Variants in NRXN3 observed in about 807,000 individuals in gnomAD.
NRXN3 encodes neurexin III.
A neutral mutation model predicts 137.6 loss-of-function variants in NRXN3; 32 were observed. The observed-to-expected ratio is 0.23, with a 90% CI of 0.18 to 0.31. The LOEUF (loss-of-function observed/expected upper bound fraction) is 0.31. Among genes scored for constraint, NRXN3 ranks in the 10% least tolerant of loss-of-function variants. The probability of loss-of-function intolerance (pLI) is 1.00; values close to 1 mark genes in which losing one functional copy is unlikely to be tolerated. For synonymous variants in NRXN3, 798 were observed against 784.5 expected (o/e 1.02, Z -0.29); for missense variants, 1,574 against 2,062.5 (o/e 0.76, Z 4.59).
intron 8 of NRXN3, chr14:78,744,583 T>C (rs1567199993): frequency 6.6e-6 from 1 of 152,240 alleles, no homozygotes; most frequent in Non-Finnish European, 1.5e-5. Flanking sequence ...TCCCATTTTA[T>C]AGATGTGGGT....
chr14:79,140,132 C>G (rs1568408053), intron 15 of NRXN3, among the ~76,000 whole-genome samples: 1 of 152,096 alleles, frequency 6.6e-6, no homozygotes, highest in Non-Finnish European at 1.5e-5. Context: ...ATTTCTATCT[C>G]TTCACACTGC....
At chr14:78,547,957 A>G (rs2152151777) in intron 4 of NRXN3, among the ~76,000 whole-genome samples, 1 of 152,316 alleles carries the variant, frequency 6.6e-6, no homozygotes, top group African/African-American at 2.4e-5. Context: ...TAAAATTGAA[A>G]TAAAAGATGA....
At chr14:79,504,730 AATG>A (rs1331969381) in intron 16 of NRXN3, among the ~76,000 whole-genome samples, 1 of 148,702 alleles carries the variant, frequency 6.7e-6, no homozygotes, top group East Asian at 1.9e-4. Context: ...TCAAATAGAA[AATG>A]ATGGTTTATT....
At chr14:78,780,213 C>T (rs548081998) in intron 8 of NRXN3, among the ~76,000 whole-genome samples, 2 of 152,028 alleles carry the variant, frequency 1.3e-5, no homozygotes, top group Non-Finnish European at 2.9e-5. Flanking sequence ...AGTTAATAAA[C>T]AAACTAGTCA....
intron 16 of NRXN3, among the ~76,000 whole-genome samples, chr14:79,486,176 G>T (rs1182110282): frequency 6.6e-6 from 1 of 152,090 alleles, no homozygotes; most frequent in Non-Finnish European, 1.5e-5. Flanking sequence ...TCTGCATTTT[G>T]TCAATATAGT....
intron 15 of NRXN3, among the ~76,000 whole-genome samples, chr14:79,152,176 G>A (rs1410667678): frequency 2.0e-5 from 3 of 151,992 alleles, no homozygotes; most frequent in Non-Finnish European, 4.4e-5. Flanking sequence ...CATTTACTGA[G>A]CATTTTGAGA....
intron 4 of NRXN3, among the ~76,000 whole-genome samples, chr14:78,593,264 A>G (rs1243192756): frequency 2.0e-5 from 3 of 152,162 alleles, no homozygotes; most frequent in Non-Finnish European, 4.4e-5. Context: ...AGACATATTA[A>G]CATCTCTAGC....
chr14:78,309,048 A>G (rs546959856), intron 4 of NRXN3, among the ~76,000 whole-genome samples: 1 of 152,288 alleles, frequency 6.6e-6, no homozygotes, highest in Admixed American at 6.5e-5. Flanking sequence ...CAAATCAAAT[A>G]GAGGCTAATG....
At chr14:78,832,647 G>C (rs2098985642) in intron 10 of NRXN3, among the ~76,000 whole-genome samples, 1 of 152,090 alleles carries the variant, frequency 6.6e-6, no homozygotes, top group Non-Finnish European at 1.5e-5. Context: ...CTAGATCAAA[G>C]GCAGGCACCA....
chr14:78,232,062 C>T (rs1259152075), intron 1 of NRXN3, among the ~76,000 whole-genome samples: 1 of 152,238 alleles, frequency 6.6e-6, no homozygotes, highest in Non-Finnish European at 1.5e-5. Flanking sequence ...CATTGCTGCC[C>T]CTGCTTCCTG....
intron 10 of NRXN3, among the ~76,000 whole-genome samples, chr14:78,814,817 C>T (rs573441903): frequency 9.2e-5 from 14 of 152,006 alleles, no homozygotes; most frequent in Non-Finnish European, 1.3e-4. Flanking sequence ...TTGTCTTTGA[C>T]CTTGTCTGAT....
chr14:78,327,437 T>C (rs1055498750), intron 4 of NRXN3, among the ~76,000 whole-genome samples: 24 of 152,190 alleles, frequency 1.6e-4, no homozygotes, highest in African/African-American at 5.5e-4. Flanking sequence ...AGGAGCTTTT[T>C]GTAGCAATTC....
intron 4 of NRXN3, among the ~76,000 whole-genome samples, chr14:78,523,842 AAAAG>A (rs2096330426): frequency 7.1e-6 from 1 of 140,536 alleles, no homozygotes; most frequent in South Asian, 2.3e-4. Flanking sequence ...AAAAAAAAAA[AAAAG>A]AATACAAGAG....
At chr14:79,168,502 T>C (rs1243149616) in intron 15 of NRXN3, among the ~76,000 whole-genome samples, 1 of 152,068 alleles carries the variant, frequency 6.6e-6, no homozygotes, top group East Asian at 1.9e-4. Flanking sequence ...ATGATAATTA[T>C]ATGATGTTTT....
At chr14:78,881,046 AT>A (rs200474271) in intron 10 of NRXN3, among the ~76,000 whole-genome samples, 3,409 of 150,716 alleles carry the variant, frequency 0.023, 174 homozygotes, top group African/African-American at 0.08. Context: ...TCATAAGGGG[AT>A]TTTCCCCCTT....
chr14:79,323,742 C>T (rs2090429390), intron 15 of NRXN3, among the ~76,000 whole-genome samples: 1 of 151,998 alleles, frequency 6.6e-6, no homozygotes, highest in African/African-American at 2.4e-5. Flanking sequence ...GCCTGTAATC[C>T]CAGCTACTTG....
chr14:78,305,199 G>A (rs1018335019), intron 4 of NRXN3, among the ~76,000 whole-genome samples: 3 of 152,172 alleles, frequency 2.0e-5, no homozygotes, highest in Non-Finnish European at 2.9e-5. Flanking sequence ...GTAGAGTGGT[G>A]TGGGAAAGTG....
chr14:79,157,520 A>G (rs368699865), intron 15 of NRXN3, among the ~76,000 whole-genome samples: 93 of 151,946 alleles, frequency 6.1e-4, no homozygotes, highest in African/African-American at 2.2e-3. Context: ...TTGTACAATT[A>G]CAGAAAGCAG....
intron 4 of NRXN3, among the ~76,000 whole-genome samples, chr14:78,419,957 G>GCACACACA (rs1555518579): frequency 3.1e-4 from 15 of 48,082 alleles, no homozygotes; most frequent in African/African-American, 1.2e-3. Context: ...GCGCGCGCGC[G>GCACACACA]CACGCACACA....
Sources: allele counts gnomAD v4.1 joint callset (sites outside exome capture counted in the v4.1 genomes callset), GRCh38; gene constraint gnomAD v4.1.1; transcripts MANE v1.5; gene names NCBI Gene and HGNC (gene_info 2026-07-23, HGNC 2026-07-21).